The following BTN2A2 variants were observed in gnomAD, a reference collection of about 807,000 sequenced individuals.
The protein encoded by BTN2A2 is butyrophilin 2.
In BTN2A2, 29 loss-of-function variants were observed where a neutral mutation model predicts 34.7. The observed-to-expected ratio is 0.84, with a 90% confidence interval of 0.62 to 1.14. The LOEUF is 1.14. Among genes scored for constraint, BTN2A2 ranks in the 50% most tolerant of loss-of-function variants. The probability of loss-of-function intolerance (pLI) is 0.00; values close to 1 mark genes in which losing one functional copy is unlikely to be tolerated. For synonymous variants in BTN2A2, 240 were observed against 253.1 expected, an observed-to-expected ratio of 0.95 and a Z score of 0.49; for missense variants, 612 against 651.5, an observed-to-expected ratio of 0.94 and a Z score of 0.66.
chr6:26,385,440 A>T, intron 3 of BTN2A2, 78 bp downstream of exon 3: 1 of 1,344,844 alleles, frequency 7.4e-7, no homozygotes, highest in Non-Finnish European at 1.0e-6. Context: ...CCTCAGGCCC[A>T]TTGCAGACCA....
Position 26,385,186 on chromosome 6 carries a change from C to T in BTN2A2, c.266C>T (p.Thr89Ile), listed in dbSNP as rs1761110807. ...GTGTATAAGGGTGGGAGAGAGAGAACAGAGGAGCAGATGGAGGAGTACCGG... is the reference window on the plus strand; with the variant it reads ...GTGTATAAGGGTGGGAGAGAGAGAATAGAGGAGCAGATGGAGGAGTACCGG... ...VFVYKGGRER[T>I]EEQMEEYRGR... Residue 89 changes from threonine (T) to isoleucine (I), a missense_variant, in exon 3 of 8, where the codon ACA becomes ATA. Physicochemically the swap from Thr to Ile is moderately conservative, Grantham distance 89. Coordinates refer to ENST00000356709, the MANE Select transcript of BTN2A2 (RefSeq NM_006995.5). 6.2e-7 allele frequency: 1 copy of T among 1,613,920 alleles called. No homozygotes were observed. The highest frequency in any genetic ancestry group is 1.7e-5 in the Admixed American group (1 of 59,998).
Position 26,388,177 on chromosome 6 carries a change from G to T in BTN2A2, c.607G>T (p.Gly203Cys), listed in dbSNP as rs62617839. ...LKEVSIADAD[G>C]LFMVTTAVII... Reference sequence around the variant, plus strand: ...GGAGGTTTCCATCGCTGATGCTGACGGCCTCTTCATGGTCACCACAGCTGT... The same window carrying T: ...GGAGGTTTCCATCGCTGATGCTGACTGCCTCTTCATGGTCACCACAGCTGT... Residue 203 changes from glycine to cysteine, a missense_variant, in exon 4 of 8, where the codon GGC becomes TGC. By Grantham distance (159) the Gly-to-Cys change is radical. Coordinates refer to ENST00000356709, the MANE Select transcript of BTN2A2 (RefSeq NM_006995.5). The T allele has an allele frequency of 6.2e-7, 1 of 1,614,116 alleles. No individual in the cohort carries two copies.
chr6:26,388,997 G>A (rs557404537), intron 4 of BTN2A2, among the ~76,000 whole-genome samples: 13 of 152,246 alleles, frequency 8.5e-5, no homozygotes, highest in Middle Eastern at 3.4e-3. Context: ...GCAGGCGCCT[G>A]TAATCCCCGC....
At position 26,392,404 on chromosome 6, in the gene BTN2A2, C is replaced by T. The variant is rs763829212; in HGVS notation, c.1009C>T (p.His337Tyr). The T allele has an allele frequency of 1.2e-6, 2 of 1,614,232 alleles. No homozygotes were observed. Among genetic ancestry groups the T allele is most frequent in the Non-Finnish European group, 1.7e-6 (2 of 1,180,040 alleles). ...ADVVLDPDTA[H>Y]PELFLSEDRR... is the part of the protein sequence containing the mutation. ...TGTGGTCCTGGATCCAGACACCGCT[C>T]ATCCCGAGCTCTTCCTGTCAGAGGA... Residue 337 changes from histidine to tyrosine, a missense_variant, in exon 8 of 8, where the codon CAT (histidine) becomes TAT (tyrosine). His to Tyr is a moderately conservative substitution (Grantham distance 83). Transcript: ENST00000356709.
intron 3 of BTN2A2, among the ~76,000 whole-genome samples, chr6:26,386,145 T>G (rs529529728): frequency 6.6e-6 from 1 of 152,340 alleles, no homozygotes; most frequent in African/African-American, 2.4e-5. Flanking sequence ...ATGATTTTTA[T>G]TAAAGCACAA....
chr6:26,387,823 G>A (rs1247831299), intron 3 of BTN2A2, among the ~76,000 whole-genome samples, 190 bp from the exon 4 acceptor site: 1 of 152,154 alleles, frequency 6.6e-6, no homozygotes, highest in African/African-American at 2.4e-5. Flanking sequence ...TGCTGTGATG[G>A]GGCCTTCAGG....
In BTN2A2 at chr6:26,388,026, GC is replaced by G. The variant is rs1761314867; in HGVS notation, c.460del (p.Leu154SerfsTer40). ...RLVVAGLGSK[P>X]LIEIKAQEDG... Reference sequence around the variant, plus strand: ...CTCCCTTTCCAGGCCTTGGGTCTAAGCCCCTCATTGAAATCAAGGCCCAAGA... The same window carrying G: ...CTCCCTTTCCAGGCCTTGGGTCTAAGCCCTCATTGAAATCAAGGCCCAAGA... On this transcript the variant is annotated frameshift_variant, in exon 4 of 8. Transcript: ENST00000356709. LOFTEE classifies it high-confidence loss of function. 1 of 1,613,374 alleles carries G rather than the reference GC, an allele frequency of 6.2e-7. No homozygotes were observed. The highest frequency in any genetic ancestry group is 8.5e-7 in the Non-Finnish European group (1 of 1,179,558).
chr6:26,384,725 G>A lies in BTN2A2; in HGVS notation c.95-290G>A, dbSNP rs1359768187. 3.9e-5 allele frequency among the ~76,000 whole-genome samples: 6 copies of A among 152,290 alleles called. No homozygotes were observed. Among genetic ancestry groups the A allele is most frequent in the African/African-American group, 1.4e-4 (6 of 41,566 alleles). ...CAGGCACAGTGCTAGATTGCAAAATGGAGGAAAATCTCAGGGGCACAGGGT... is the reference window on the plus strand; with the variant it reads ...CAGGCACAGTGCTAGATTGCAAAATAGAGGAAAATCTCAGGGGCACAGGGT... On this transcript the variant is annotated intron_variant, in intron 2 of 7. Coordinates refer to ENST00000356709, the MANE Select transcript of BTN2A2 (RefSeq NM_006995.5). The surrounding 1 kb of genome is among the most constrained non-coding windows in gnomAD (Gnocchi z 4.0).
chr6:26,389,479 T>C (rs992856440), intron 4 of BTN2A2, among the ~76,000 whole-genome samples: 1 of 151,716 alleles, frequency 6.6e-6, no homozygotes, highest in Non-Finnish European at 1.5e-5. Flanking sequence ...TGAAATGGAG[T>C]GAGTTCAGGA....
chr6:26,383,878 GCTC>G lies in BTN2A2; in HGVS notation c.66_68del (p.Leu24del), dbSNP rs1285682374. The G allele has an allele frequency of 5.6e-6, 9 of 1,613,800 alleles. No homozygotes were observed. The highest frequency in any genetic ancestry group is 3.3e-4 in the Middle Eastern group (2 of 6,062). ...TGCCAGCCTCCCTCCTCCTCCTCCT[GCTC>G]CTCCTCCTTCTCAGCCTGTGTGCAC... On this transcript the variant is annotated inframe_deletion, in exon 2 of 8. Coordinates refer to ENST00000356709, the MANE Select transcript of BTN2A2 (RefSeq NM_006995.5). The surrounding 1 kb of genome is among the most constrained non-coding windows in gnomAD (Gnocchi z 4.4).
At chr6:26,390,457 T>C in intron 5 of BTN2A2, 1 of 681,848 alleles carries the variant, frequency 1.5e-6, no homozygotes, top group Non-Finnish European at 2.5e-6. Context: ...CCTGGCTATA[T>C]GCAGCACTAC....
chr6:26,392,357 C>A lies in BTN2A2; in HGVS notation c.980-18C>A, dbSNP rs1761632153. 4 of 1,613,980 alleles carry A rather than the reference C, an allele frequency of 2.5e-6. No individual in the cohort carries two copies. The highest frequency in any genetic ancestry group is 3.4e-6 in the Non-Finnish European group (4 of 1,179,968). On this transcript the variant is annotated intron_variant, in intron 7 of 7. Coordinates refer to ENST00000356709, the MANE Select transcript of BTN2A2 (RefSeq NM_006995.5). ...GGTTCCTGAGACCCCAGGCATAAAC[C>A]TGAGACTTCCTCTGCAGCTGATGTG...
chr6:26,393,648 G>T lies in BTN2A2; in HGVS notation c.*681G>T. 1.0e-6 allele frequency: 1 copy of T among 997,122 alleles called. No individual in the cohort carries two copies. The highest frequency in any genetic ancestry group is 1.2e-6 in the Non-Finnish European group (1 of 837,200). 61.8% of individuals were successfully genotyped at this position (997,122 alleles called of 1,614,324 possible). On this transcript the variant is annotated 3_prime_UTR_variant, in exon 8 of 8. Coordinates refer to ENST00000356709, the MANE Select transcript of BTN2A2 (RefSeq NM_006995.5). ...TCAGATGTCCCTGCAATAAACAAGG[G>T]GTCAGTACTTAGTCCCTGAGTGTGG...
chr6:26,386,970 A>T (rs1761241151), intron 3 of BTN2A2, among the ~76,000 whole-genome samples: 1 of 152,202 alleles, frequency 6.6e-6, no homozygotes. Context: ...TTTCTTTAAC[A>T]TAATTTGTTG....
chr6:26,392,365 T>C lies in BTN2A2; in HGVS notation c.980-10T>C. 6.2e-7 allele frequency: 1 copy of C among 1,614,020 alleles called. No individual in the cohort carries two copies. Among genetic ancestry groups the C allele is most frequent in the Non-Finnish European group, 8.5e-7 (1 of 1,179,936 alleles). ...AGACCCCAGGCATAAACCTGAGACT[T>C]CCTCTGCAGCTGATGTGGTCCTGGA... On this transcript the variant is annotated splice_polypyrimidine_tract_variant and intron_variant, in intron 7 of 7. Transcript: ENST00000356709.
At position 26,392,635 on chromosome 6, in the gene BTN2A2, C is replaced by T; in HGVS notation, c.1240C>T (p.Gln414Ter). The change falls in exon 8 of 8, where the codon CAG becomes TAG. Residue 414 changes from glutamine to a stop codon, truncating the protein, a stop_gained. Coordinates refer to ENST00000356709, the MANE Select transcript of BTN2A2 (RefSeq NM_006995.5). LOFTEE classifies it low-confidence loss of function (END_TRUNC). ...GAAAGGGGAGGTCCTGCTGATTCCT[C>T]AGAATGGCTTCTGGACCCTGGAGAT... is the stretch of plus-strand genomic sequence containing the variant. ...ERKGEVLLIP[Q>*]NGFWTLEMFG... 1 of 1,614,224 alleles carries T rather than the reference C, an allele frequency of 6.2e-7. No individual in the cohort carries two copies. Among genetic ancestry groups the T allele is most frequent in the Non-Finnish European group, 8.5e-7 (1 of 1,180,036 alleles).
In BTN2A2 at chr6:26,393,585, T is replaced by C. The variant is rs1401357156; in HGVS notation, c.*618T>C. 6 of 1,005,384 alleles carry C rather than the reference T, an allele frequency of 6.0e-6. No individual in the cohort carries two copies. The highest frequency in any genetic ancestry group is 5.9e-6 in the Non-Finnish European group (5 of 842,360). The allele number at this position is 1,005,384 out of a possible 1,614,324, so 62.3% of individuals were successfully genotyped here. On this transcript the variant is annotated 3_prime_UTR_variant, in exon 8 of 8. Coordinates refer to ENST00000356709, the MANE Select transcript of BTN2A2 (RefSeq NM_006995.5). ...CACAGGCCTGGACCTGGGATGAAGA[T>C]GAATGAAGAACATGGACTCATGTGG...
In BTN2A2 at chr6:26,388,221, T is replaced by A. The variant is rs987720917; in HGVS notation, c.651T>A (p.Tyr217Ter). ...CAGCTGTGATCATCAGAGACAAGTA[T>A]GTGAGGAATGTGTCCTGCTCTGTCA... is the stretch of plus-strand genomic sequence containing the variant. ...VTTAVIIRDK[Y>*]VRNVSCSVNN... is the part of the protein sequence containing the mutation. Residue 217 changes from tyrosine (Y) to a stop codon, truncating the protein, a stop_gained, in exon 4 of 8, where the codon TAT becomes TAA. Coordinates refer to ENST00000356709, the MANE Select transcript of BTN2A2 (RefSeq NM_006995.5). LOFTEE classifies it high-confidence loss of function. 6.2e-7 allele frequency: 1 copy of A among 1,614,184 alleles called. No individual in the cohort carries two copies.
At chr6:26,387,265 A>G (rs1288780404) in intron 3 of BTN2A2, among the ~76,000 whole-genome samples, 2 of 152,190 alleles carry the variant, frequency 1.3e-5, no homozygotes, top group African/African-American at 4.8e-5. Flanking sequence ...TCTCTATTGG[A>G]TGGAACCTCT....
Sources: gnomAD v4.1 joint callset for allele counts (sites outside exome capture counted in the v4.1 genomes callset) on GRCh38, gnomAD v4.1.1 for gene constraint, Gnocchi (gnomAD v3.1) non-coding constraint, MANE v1.5 for transcripts, NCBI Gene and HGNC (gene_info 2026-07-23, HGNC 2026-07-21) for gene names.